Variants in CPLX2 observed in about 807,000 individuals in gnomAD.
CPLX2 encodes complexin-2.
CPLX2 carries 5 observed loss-of-function variants against 16.3 expected under a neutral mutation model. The observed-to-expected ratio is 0.31, with a 90% CI of 0.16 to 0.64. CPLX2 has a LOEUF of 0.64. CPLX2 is among the 30% of genes least tolerant of loss of function. The pLI, the probability that CPLX2 is intolerant of heterozygous loss-of-function variation, is 0.79. For synonymous variants in CPLX2, 89 were observed against 73.2 expected (o/e 1.22, Z -1.10); for missense variants, 144 against 181.4 (o/e 0.79, Z 1.18).
At position 175,880,682 on chromosome 5, in the gene CPLX2, T is replaced by G. The variant is rs1304459439; in HGVS notation, c.*637T>G. The G allele has an allele frequency of 6.4e-6, 1 of 156,360 alleles. No individual in the cohort carries two copies. Among genetic ancestry groups the G allele is most frequent in the Non-Finnish European group, 1.4e-5 (1 of 70,566 alleles). The allele number at this position is 156,360 out of a possible 1,614,324, so 9.7% of individuals were successfully genotyped here. A position where few individuals can be genotyped will look rare whatever the true frequency, so the allele number is the denominator to read the frequency against. On this transcript the variant is annotated 3_prime_UTR_variant, in exon 4 of 4. Transcript: ENST00000393745. ...CATGGCCCCTGCCAAGCTGGTCCCT[T>G]CAAATGGATCCTTTGTGGACTTTAG...
intron 1 of CPLX2, among the ~76,000 whole-genome samples, chr5:175,877,153 A>AG (rs1188469957): frequency 1.3e-5 from 2 of 151,934 alleles, no homozygotes; most frequent in African/African-American, 2.4e-5. Context: ...CCAGCCAGTA[A>AG]GTATAGCTGC....
intron 1 of CPLX2, among the ~76,000 whole-genome samples, chr5:175,799,539 C>CATATATATATCTATATAT (rs1227041477): frequency 4.2e-5 from 3 of 72,276 alleles, no homozygotes; most frequent in African/African-American, 1.7e-4. Flanking sequence ...TTGCAAATTT[C>CATATATATATCTATATAT]ATATATATAT....
intron 1 of CPLX2, among the ~76,000 whole-genome samples, chr5:175,802,746 C>T (rs1220826228): frequency 1.3e-5 from 2 of 152,208 alleles, no homozygotes; most frequent in Non-Finnish European, 2.9e-5. Context: ...GGTAATACCG[C>T]CAGGGCCCAC....
intron 1 of CPLX2, among the ~76,000 whole-genome samples, chr5:175,807,509 G>A (rs1257501893): frequency 1.3e-5 from 2 of 152,204 alleles, no homozygotes; most frequent in African/African-American, 2.4e-5. Flanking sequence ...GCCCACAGGC[G>A]CCTACCCTTT....
In CPLX2 at chr5:175,880,956, G is replaced by T; in HGVS notation, c.*911G>T. The T allele has an allele frequency of 6.5e-6, 1 of 152,810 alleles. No individual in the cohort carries two copies. The allele number at this position is 152,810 out of a possible 1,614,324, so 9.5% of individuals were successfully genotyped here. On this transcript the variant is annotated 3_prime_UTR_variant, in exon 4 of 4. Transcript: ENST00000393745. ...ACCCCGTCCTGTCCATGCGCTTCCA[G>T]GGCCCCACGGTCCCCAGGAGGACGC...
rs571862634 is a variant in CPLX2, at chr5:175,821,695, A to G, written c.-89+12627A>G. On this transcript the variant is annotated intron_variant, in intron 2 of 4. Coordinates refer to the CPLX2 transcript ENST00000359546. ...AGTGCTGGGATTACAGGCGTGAGCCACCACGCCCGGCCCTAAATTTACTTC... is the reference window on the plus strand; with the variant it reads ...AGTGCTGGGATTACAGGCGTGAGCCGCCACGCCCGGCCCTAAATTTACTTC... Among the ~76,000 whole-genome samples the G allele has an allele frequency of 5.4e-3, 827 of 152,346 alleles. 11 individuals carry two copies. The highest frequency in any genetic ancestry group is 0.019 in the African/African-American group (791 of 41,576).
At chr5:175,798,803 C>T (rs906572412) in intron 1 of CPLX2, among the ~76,000 whole-genome samples, 3 of 152,186 alleles carry the variant, frequency 2.0e-5, no homozygotes, top group Non-Finnish European at 4.4e-5. Context: ...CACCCACTCT[C>T]ATCACACACA....
In CPLX2 at chr5:175,801,820, G is replaced by A. The variant is rs1462353518; in HGVS notation, c.-169+5036G>A. Among the ~76,000 whole-genome samples, 13 of 152,294 alleles carry A rather than the reference G, an allele frequency of 8.5e-5. No homozygotes were observed. The East Asian group carries it at 1.4e-3, about 16-fold the overall frequency. On this transcript the variant is annotated intron_variant, in intron 1 of 4. Transcript: ENST00000359546. ...TGCCAAGAAGTGTCCACTAGAGCCC[G>A]GCTCGGGGCCTCGAATCCCAGACCA...
In CPLX2 at chr5:175,878,939, G is replaced by A. The variant is rs1755485823; in HGVS notation, c.63G>A (p.Gly21=). The change falls in exon 3 of 4, where the codon GGG becomes GGA. Residue 21 remains glycine, a synonymous_variant. Coordinates refer to ENST00000393745, the MANE Select transcript of CPLX2 (RefSeq NM_001008220.2). ...GATKDMGKML[G]GEEEKDPDAQ... ...CAAAGGACATGGGGAAGATGCTGGGGGGAGAGGAGGAGAAGGACCCCGACG... is the reference window on the plus strand; with the variant it reads ...CAAAGGACATGGGGAAGATGCTGGGAGGAGAGGAGGAGAAGGACCCCGACG... 6.2e-7 allele frequency: 1 copy of A among 1,612,666 alleles called. No homozygotes were observed. Among genetic ancestry groups the A allele is most frequent in the Non-Finnish European group, 8.5e-7 (1 of 1,179,476 alleles).
At chr5:175,860,495 A>G (rs1263703496) in intron 2 of CPLX2, among the ~76,000 whole-genome samples, 3 of 70,420 alleles carry the variant, frequency 4.3e-5, no homozygotes, top group Admixed American at 1.6e-4. Context: ...GAAAGAAAGA[A>G]AGAAAAGAAA....
chr5:175,798,540 A>C (rs1758034559), intron 1 of CPLX2, among the ~76,000 whole-genome samples: 1 of 152,204 alleles, frequency 6.6e-6, no homozygotes, highest in African/African-American at 2.4e-5. Context: ...GACCCCAGGC[A>C]GACAGAGCTG....
At chr5:175,857,601 T>A (rs1395406336) in intron 2 of CPLX2, among the ~76,000 whole-genome samples, 3 of 152,194 alleles carry the variant, frequency 2.0e-5, no homozygotes, top group Admixed American at 2.0e-4. Flanking sequence ...AAGCGTTGGA[T>A]ATATCATGTA....
At chr5:175,826,231 C>T (rs1167752526) in intron 2 of CPLX2, among the ~76,000 whole-genome samples, 1 of 152,074 alleles carries the variant, frequency 6.6e-6, no homozygotes, top group Non-Finnish European at 1.5e-5. Context: ...GACCTTTGAG[C>T]TGAGCCTGGT....
chr5:175,820,945 C>T (rs1758496864), intron 2 of CPLX2, among the ~76,000 whole-genome samples: 1 of 152,170 alleles, frequency 6.6e-6, no homozygotes, highest in African/African-American at 2.4e-5. Context: ...AGAGCAGAGT[C>T]AGGAACTCCC....
intron 1 of CPLX2, among the ~76,000 whole-genome samples, chr5:175,802,880 G>A (rs1758125763): frequency 1.3e-5 from 2 of 151,546 alleles, no homozygotes; most frequent in South Asian, 4.2e-4. Context: ...CACCCAGACT[G>A]GAGTGCAGTG....
intron 1 of CPLX2, among the ~76,000 whole-genome samples, chr5:175,797,588 C>T (rs1177971523): frequency 6.6e-6 from 1 of 152,164 alleles, no homozygotes; most frequent in East Asian, 1.9e-4. Flanking sequence ...TCACTGACTC[C>T]GGCTGTCCCC....
At chr5:175,804,673 G>T (rs1303311604) in intron 1 of CPLX2, among the ~76,000 whole-genome samples, 3 of 152,182 alleles carry the variant, frequency 2.0e-5, no homozygotes, top group Non-Finnish European at 4.4e-5. Flanking sequence ...CATCTCAGAG[G>T]CATTGAATCA....
intron 2 of CPLX2, among the ~76,000 whole-genome samples, chr5:175,840,964 C>T (rs1014100385): frequency 1.3e-5 from 2 of 152,204 alleles, no homozygotes; most frequent in African/African-American, 4.8e-5. Flanking sequence ...CAGAGGAAAC[C>T]AGGGCCCAGG....
At chr5:175,813,510 A>G (rs1241349166) in intron 2 of CPLX2, among the ~76,000 whole-genome samples, 1 of 152,174 alleles carries the variant, frequency 6.6e-6, no homozygotes, top group Non-Finnish European at 1.5e-5. Context: ...AACAAAAACA[A>G]AGCTTCCTGG....
Sources: gnomAD v4.1 joint callset for allele counts (sites outside exome capture counted in the v4.1 genomes callset) on GRCh38, gnomAD v4.1.1 for gene constraint, MANE v1.5 for transcripts, NCBI Gene and HGNC (gene_info 2026-07-23, HGNC 2026-07-21) for gene names.